Variants in LINGO2 observed in about 807,000 individuals in gnomAD.
LINGO2 encodes leucine rich repeat and Ig domain containing 2, also known as leucine-rich repeat and immunoglobulin-like domain-containing nogo receptor-interacting protein 2.
LINGO2 carries 14 observed loss-of-function variants against 30.6 expected under a neutral mutation model. The observed-to-expected ratio is 0.46, with a 90% confidence interval of 0.30 to 0.72. The LOEUF (loss-of-function observed/expected upper bound fraction) is 0.72, where lower values mean the gene tolerates loss of function less well. Ranked by LOEUF, LINGO2 falls within the 30% of genes least tolerant of loss-of-function variation. The probability of loss-of-function intolerance (pLI) is 0.07; values close to 1 mark genes in which losing one functional copy is unlikely to be tolerated. For missense variants in LINGO2, 729 were observed against 751.7 expected (o/e 0.97, Z 0.35); for synonymous variants, 317 against 288.5 (o/e 1.10, Z -1.00).
At chr9:29,103,275 T>G in the LINGO2 span, among the ~76,000 whole-genome samples, 3 of 145,118 alleles carry the variant, frequency 2.1e-5, no homozygotes, top group Admixed American at 1.5e-4. Context: ...AAAGAACTTC[T>G]ACAGCAGCTA....
rs1427842247 is a variant in LINGO2 at position 28,147,894 on chromosome 9, C to T, written c.-86-135489G>A. 6.6e-6 allele frequency among the ~76,000 whole-genome samples: 1 copy of T among 152,164 alleles called. No individual in the cohort carries two copies. The highest frequency in any genetic ancestry group is 1.9e-4 in the East Asian group (1 of 5,178). On this transcript the variant is annotated intron_variant, in intron 4 of 5. Transcript: ENST00000379992. This position sits in a 1 kb window ranked among gnomAD's most constrained non-coding sequence, Gnocchi z 4.7. ...AGTGATGTCATAAACTCCCAGATGC[C>T]CAGTGTGCACCCGGCCACAGAGAAG... is the stretch of plus-strand genomic sequence containing the variant.
At chr9:28,282,748 G>T (rs1436378483) in intron 4 of LINGO2, among the ~76,000 whole-genome samples, 2 of 152,088 alleles carry the variant, frequency 1.3e-5, no homozygotes, top group Non-Finnish European at 2.9e-5. Context: ...AATTCTACAA[G>T]TCGGAATTCT....
At chr9:28,349,888 C>T (rs1269972680) in intron 3 of LINGO2, among the ~76,000 whole-genome samples, 1 of 152,056 alleles carries the variant, frequency 6.6e-6, no homozygotes, top group Non-Finnish European at 1.5e-5. Flanking sequence ...AATTTCATAT[C>T]CAGCCAAACT....
At chr9:28,768,445 G>A in the LINGO2 span, among the ~76,000 whole-genome samples, 1 of 152,024 alleles carries the variant, frequency 6.6e-6, no homozygotes, top group African/African-American at 2.4e-5. Context: ...GACTGTTCCA[G>A]GGTTATCTTG....
the LINGO2 span, among the ~76,000 whole-genome samples, chr9:28,875,991 T>C: frequency 1.3e-5 from 2 of 152,002 alleles, no homozygotes; most frequent in South Asian, 4.1e-4. Flanking sequence ...GTTTTATATT[T>C]TCCAAAAAAA....
chr9:28,807,049 G>C, the LINGO2 span, among the ~76,000 whole-genome samples: 1 of 151,450 alleles, frequency 6.6e-6, no homozygotes, highest in South Asian at 2.1e-4. Context: ...TTTTGAGACA[G>C]AGTCTCACTC....
At chr9:29,178,561 G>T in the LINGO2 span, among the ~76,000 whole-genome samples, 1 of 151,808 alleles carries the variant, frequency 6.6e-6, no homozygotes, top group Non-Finnish European at 1.5e-5. Flanking sequence ...GCAAAAAAAA[G>T]ACAGTAAAAA....
the LINGO2 span, among the ~76,000 whole-genome samples, chr9:28,909,397 G>A: frequency 7.2e-5 from 11 of 151,998 alleles, no homozygotes; most frequent in South Asian, 1.7e-3. Context: ...ATTCTATAAT[G>A]TAGATAATCA....
At chr9:28,839,227 T>G in the LINGO2 span, among the ~76,000 whole-genome samples, 8 of 152,136 alleles carry the variant, frequency 5.3e-5, no homozygotes, top group Admixed American at 1.3e-4. Context: ...TTACACCTCT[T>G]TCAGTCCTGC....
chr9:28,110,458 A>AT (rs1248116607), intron 4 of LINGO2, among the ~76,000 whole-genome samples: 13 of 152,356 alleles, frequency 8.5e-5, no homozygotes, highest in Middle Eastern at 6.8e-3. Flanking sequence ...GTGAACAGGC[A>AT]ACCTACAGAA....
At chr9:28,350,329 A>G (rs1164761132) in intron 3 of LINGO2, among the ~76,000 whole-genome samples, 1 of 143,210 alleles carries the variant, frequency 7.0e-6, no homozygotes, top group Non-Finnish European at 1.5e-5. Flanking sequence ...TGGAAAACAA[A>G]AGAAGGCAGG....
At chr9:28,263,174 A>T (rs1164429988) in intron 4 of LINGO2, among the ~76,000 whole-genome samples, 2 of 151,986 alleles carry the variant, frequency 1.3e-5, no homozygotes, top group Non-Finnish European at 2.9e-5. Flanking sequence ...TCTCCACACC[A>T]TGGCAATTTG....
the LINGO2 span, among the ~76,000 whole-genome samples, chr9:28,903,131 A>T: frequency 6.6e-6 from 1 of 152,026 alleles, no homozygotes; most frequent in Non-Finnish European, 1.5e-5. Flanking sequence ...AGCTTCAGCT[A>T]ATCTAAATAA....
At chr9:28,088,237 C>T (rs1825971444) in intron 4 of LINGO2, among the ~76,000 whole-genome samples, 2 of 128,022 alleles carry the variant, frequency 1.6e-5, no homozygotes, top group Middle Eastern at 4.1e-3. Context: ...CACACACACA[C>T]ATATAATGGT....
At chr9:29,021,402 T>C in the LINGO2 span, among the ~76,000 whole-genome samples, 1 of 152,160 alleles carries the variant, frequency 6.6e-6, no homozygotes, top group African/African-American at 2.4e-5. Context: ...CTAACGCCTG[T>C]AATCCCAGCA....
the LINGO2 span, among the ~76,000 whole-genome samples, chr9:29,194,841 A>C: frequency 6.6e-6 from 1 of 152,230 alleles, no homozygotes; most frequent in African/African-American, 2.4e-5. Context: ...ATTGACATTG[A>C]AAAAAGCTAC....
chr9:28,385,590 A>C (rs952515706), intron 2 of LINGO2, among the ~76,000 whole-genome samples: 2 of 152,204 alleles, frequency 1.3e-5, no homozygotes, highest in African/African-American at 4.8e-5. Context: ...CTTAGGGAAA[A>C]TTATGAAGCA....
chr9:29,020,997 G>T, the LINGO2 span, among the ~76,000 whole-genome samples: 1 of 152,078 alleles, frequency 6.6e-6, no homozygotes, highest in East Asian at 1.9e-4. Flanking sequence ...TGAGGCAAAG[G>T]TGTGGAATCA....
chr9:27,984,035 G>A (rs1156904732), intron 5 of LINGO2, among the ~76,000 whole-genome samples: 1 of 151,868 alleles, frequency 6.6e-6, no homozygotes, highest in African/African-American at 2.4e-5. Context: ...GGGCTGTGGA[G>A]TTTTCATGGG....
Sources: allele counts gnomAD v4.1 joint callset (sites outside exome capture counted in the v4.1 genomes callset), GRCh38; gene constraint gnomAD v4.1.1; non-coding constraint Gnocchi (gnomAD v3.1); transcripts MANE v1.5; gene names NCBI Gene and HGNC (gene_info 2026-07-23, HGNC 2026-07-21).